The following PCDHGA2 variants were observed in gnomAD, a reference collection of about 807,000 sequenced individuals.
PCDHGA2 encodes the protein protocadherin gamma subfamily A, 2.
A neutral mutation model predicts 59.2 loss-of-function variants in PCDHGA2; 40 were observed. The ratio of observed to expected loss-of-function variants is 0.68; its 90% CI spans 0.52 to 0.88. PCDHGA2 has a LOEUF of 0.88. Ranked by LOEUF, PCDHGA2 falls within the 40% of genes least tolerant of loss-of-function variation. PCDHGA2 has a pLI of 0.00. For missense variants in PCDHGA2, 1,226 were observed against 1,204.0 expected, an observed-to-expected ratio of 1.02 and a Z score of -0.27; for synonymous variants, 560 against 526.0, an observed-to-expected ratio of 1.06 and a Z score of -0.89.
chr5:141,394,679 C>T (rs532730881), intron 1 of PCDHGA2: 1 of 1,612,552 alleles, frequency 6.2e-7, no homozygotes, highest in African/African-American at 1.3e-5. Context: ...TGGGTCTGCA[C>T]ACGGGCGAGG....
chr5:141,500,986 A>G (rs1223940696), intron 2 of PCDHGA2, among the ~76,000 whole-genome samples: 1 of 151,656 alleles, frequency 6.6e-6, no homozygotes, highest in East Asian at 1.9e-4. Flanking sequence ...CTCCTGCCTC[A>G]GCCTCCTGAG....
At chr5:141,350,781 A>T (rs1758557534) in intron 1 of PCDHGA2, 1 of 1,613,834 alleles carries the variant, frequency 6.2e-7, no homozygotes. Flanking sequence ...CCCAATCAAT[A>T]CTTCTCTCTG....
chr5:141,388,628 G>A (rs752578230), intron 1 of PCDHGA2: 2 of 1,613,898 alleles, frequency 1.2e-6, no homozygotes. Flanking sequence ...ACGTATACAG[G>A]GTGAGCCTTT....
intron 1 of PCDHGA2, among the ~76,000 whole-genome samples, chr5:141,462,941 G>A (rs1667222225): frequency 6.6e-6 from 1 of 152,158 alleles, no homozygotes; most frequent in Non-Finnish European, 1.5e-5. Flanking sequence ...TTCAAGGCTT[G>A]TTTTTAAGCT....
intron 1 of PCDHGA2, among the ~76,000 whole-genome samples, chr5:141,447,632 T>G (rs931349669): frequency 9.2e-5 from 14 of 152,160 alleles, no homozygotes; most frequent in Non-Finnish European, 2.1e-4. Flanking sequence ...ACCAACAGTA[T>G]GAATGATGGT....
chr5:141,428,159 G>A (rs1377084529), intron 1 of PCDHGA2: 1 of 1,571,752 alleles, frequency 6.4e-7, no homozygotes, highest in East Asian at 2.2e-5. Context: ...GAACCTGCTG[G>A]TTGCTGTGCG....
chr5:141,413,656 G>A, intron 1 of PCDHGA2: 1 of 1,613,872 alleles, frequency 6.2e-7, no homozygotes, highest in Non-Finnish European at 8.5e-7. Flanking sequence ...TCTCCCGGAA[G>A]CTATTGATCC....
At chr5:141,365,167 C>T (rs201444039) in intron 1 of PCDHGA2, 1 of 1,613,950 alleles carries the variant, frequency 6.2e-7, no homozygotes, top group Non-Finnish European at 8.5e-7. Flanking sequence ...AATTGACCTA[C>T]TCTTTTCGCA....
chr5:141,374,887 C>G lies in PCDHGA2; in HGVS notation c.2424+33492C>G, dbSNP rs1248527882. On this transcript the variant is annotated intron_variant, in intron 1 of 3. Coordinates refer to ENST00000394576, the MANE Select transcript of PCDHGA2 (RefSeq NM_018915.4). Reference sequence around the variant, plus strand: ...CAGTGTTGGCAGTGACTGCCACCGACCAGGATGAAGGAGTCCACGGGGAAG... The same window carrying G: ...CAGTGTTGGCAGTGACTGCCACCGAGCAGGATGAAGGAGTCCACGGGGAAG... The G allele has an allele frequency of 1.9e-6, 3 of 1,613,670 alleles. No individual in the cohort carries two copies. In the African/African-American group the frequency reaches 4.0e-5, roughly 22 times the overall value.
rs1761587141 is a variant in PCDHGA2 at position 141,360,419 on chromosome 5, T to C, written c.2424+19024T>C. The C allele has an allele frequency of 1.2e-6, 2 of 1,613,968 alleles. No individual in the cohort carries two copies. The highest frequency in any genetic ancestry group is 4.5e-5 in the East Asian group (2 of 44,870). ...AGTGACAGAATAGACCGAGAACAGA[T>C]ATGCGGGAAGCAGCCTCTGTGTGTT... On this transcript the variant is annotated intron_variant, in intron 1 of 3. Transcript: ENST00000394576.
chr5:141,403,995 C>T, intron 1 of PCDHGA2: 1 of 1,613,762 alleles, frequency 6.2e-7, no homozygotes, highest in Non-Finnish European at 8.5e-7. Context: ...CCTGAAGTGA[C>T]CATTACATCT....
In PCDHGA2 at chr5:141,472,994, A is replaced by G. The variant is rs188075835; in HGVS notation, c.2425-21813A>G. Among the ~76,000 whole-genome samples, 1,141 of 151,802 alleles carry G rather than the reference A, an allele frequency of 7.5e-3. 5 individuals carry two copies. The highest frequency in any genetic ancestry group is 0.017 in the Middle Eastern group (5 of 294). ...AGAGTGAAACTCAAAAAAAAAAAAA[A>G]AAAGAAAGAAAAAGAAAAAGAAAGA... On this transcript the variant is annotated intron_variant, in intron 1 of 3. Transcript: ENST00000394576.
intron 1 of PCDHGA2, chr5:141,421,777 CG>C (rs760013586): frequency 1.2e-6 from 2 of 1,613,804 alleles, no homozygotes; most frequent in Admixed American, 3.3e-5. Flanking sequence ...CTTGCAACTG[CG>C]GGGCAGAACG....
Position 141,490,849 on chromosome 5 carries a change from C to A in PCDHGA2, c.2425-3958C>A, listed in dbSNP as rs200640560. The A allele has an allele frequency of 6.2e-7, 1 of 1,613,748 alleles. No individual in the cohort carries two copies. Among genetic ancestry groups the A allele is most frequent in the Non-Finnish European group, 8.5e-7 (1 of 1,179,862 alleles). On this transcript the variant is annotated intron_variant, in intron 1 of 3. Coordinates refer to ENST00000394576, the MANE Select transcript of PCDHGA2 (RefSeq NM_018915.4). This position sits in a 1 kb window ranked among gnomAD's most constrained non-coding sequence, Gnocchi z 5.4. ...GATGCTGCAGATTGTGGTGGGGGTT[C>A]GAGACTCCGGCTCTCCCCCATTGCA...
intron 1 of PCDHGA2, among the ~76,000 whole-genome samples, chr5:141,402,022 T>A (rs1170426258): frequency 6.6e-6 from 1 of 152,210 alleles, no homozygotes; most frequent in East Asian, 1.9e-4. Context: ...TTTGAATCAT[T>A]GAAACACAGT....
intron 1 of PCDHGA2, chr5:141,422,068 T>C (rs1340696188): frequency 2.5e-6 from 4 of 1,612,076 alleles, no homozygotes; most frequent in Non-Finnish European, 3.4e-6. Flanking sequence ...AGTAATGTAT[T>C]CATTTCGGAA....
chr5:141,490,882 A>G lies in PCDHGA2; in HGVS notation c.2425-3925A>G, dbSNP rs758716907. ...CGGCTCTCCCCCATTGCATGCCAAC[A>G]CATCTCTGCATGTGTTTGTCCTAGA... On this transcript the variant is annotated intron_variant, in intron 1 of 3. Coordinates refer to ENST00000394576, the MANE Select transcript of PCDHGA2 (RefSeq NM_018915.4). This position sits in a 1 kb window ranked among gnomAD's most constrained non-coding sequence, Gnocchi z 5.4. 6.2e-7 allele frequency: 1 copy of G among 1,613,848 alleles called. No individual in the cohort carries two copies. Among genetic ancestry groups the G allele is most frequent in the Non-Finnish European group, 8.5e-7 (1 of 1,179,920 alleles).
chr5:141,444,329 G>T (rs536314842), intron 1 of PCDHGA2, among the ~76,000 whole-genome samples: 1 of 151,792 alleles, frequency 6.6e-6, no homozygotes, highest in Admixed American at 6.6e-5. Context: ...GTGCCACCAC[G>T]CCCAGCTAAT....
rs756294828 is a variant in PCDHGA2, at chr5:141,417,904, G to A, written c.2424+76509G>A. 2.5e-6 allele frequency: 4 copies of A among 1,591,934 alleles called. No homozygotes were observed. The South Asian group carries it at 3.4e-5, about 13-fold the overall frequency. On this transcript the variant is annotated intron_variant, in intron 1 of 3. Transcript: ENST00000394576. Reference sequence around the variant, plus strand: ...AGAGGCGCCGGGCCGGCCCGCGGCAGGTACTATTTCCTTTGCTGCTGCCTT... The same window carrying A: ...AGAGGCGCCGGGCCGGCCCGCGGCAAGTACTATTTCCTTTGCTGCTGCCTT...
Sources: allele counts gnomAD v4.1 joint callset (sites outside exome capture counted in the v4.1 genomes callset), GRCh38; gene constraint gnomAD v4.1.1; non-coding constraint Gnocchi (gnomAD v3.1); transcripts MANE v1.5; gene names NCBI Gene and HGNC (gene_info 2026-07-23, HGNC 2026-07-21).